The following TRDMT1 variants were observed in gnomAD, a reference collection of about 807,000 sequenced individuals.
The protein encoded by TRDMT1 is tRNA (cytosine(38)-C(5))-methyltransferase.
A neutral mutation model predicts 51.2 loss-of-function variants in TRDMT1; 49 were observed. That is an observed-to-expected ratio of 0.96 (90% CI 0.76 to 1.21). The LOEUF is 1.21. TRDMT1 is among the 50% of genes most tolerant of loss of function. The pLI, the probability that TRDMT1 is intolerant of heterozygous loss-of-function variation, is 0.00. For synonymous variants in TRDMT1, 187 were observed against 164.6 expected, an observed-to-expected ratio of 1.14 and a Z score of -1.04; for missense variants, 534 against 462.3, an observed-to-expected ratio of 1.16 and a Z score of -1.42.
intron 1 of TRDMT1, 177 bp downstream of exon 1, chr10:17,201,394 G>T: frequency 1.7e-6 from 1 of 572,580 alleles, no homozygotes; most frequent in Non-Finnish European, 2.9e-6. Flanking sequence ...GTCAGCGTCT[G>T]GAGGGGTGGA....
chr10:17,154,950 T>G (rs1024901012), intron 8 of TRDMT1, among the ~76,000 whole-genome samples: 2 of 152,196 alleles, frequency 1.3e-5, no homozygotes, highest in Non-Finnish European at 2.9e-5. Context: ...CCGGGCACAG[T>G]GGCTAATGTC....
chr10:17,160,707 A>T (rs1314059631), intron 5 of TRDMT1, among the ~76,000 whole-genome samples: 1 of 152,014 alleles, frequency 6.6e-6, no homozygotes. Flanking sequence ...TCCTGACCTC[A>T]TGATCCACCC....
intron 1 of TRDMT1, among the ~76,000 whole-genome samples, chr10:17,178,678 A>G (rs1182317636): frequency 2.4e-4 from 19 of 80,628 alleles, no homozygotes; most frequent in Non-Finnish European, 3.3e-4. Flanking sequence ...TCTGTCTCGG[A>G]AAAAAAAAAA....
In TRDMT1 at chr10:17,174,478, A is replaced by G. The variant is rs1175249519; in HGVS notation, c.174+73T>C. On this transcript the variant is annotated intron_variant, in intron 2 of 10. Coordinates refer to ENST00000377799, the MANE Select transcript of TRDMT1 (RefSeq NM_004412.7). ...TTATCTTCCAATTAAGACAACGGAAACCAGTATTAGGCAGTGTTTTTCAAT... is the reference window on the plus strand; with the variant it reads ...TTATCTTCCAATTAAGACAACGGAAGCCAGTATTAGGCAGTGTTTTTCAAT... The G allele has an allele frequency of 1.7e-5, 17 of 997,866 alleles. No homozygotes were observed. The African/African-American group carries it at 2.3e-4, about 13-fold the overall frequency. 61.8% of individuals were successfully genotyped at this position (997,866 alleles called of 1,614,324 possible).
intron 1 of TRDMT1, among the ~76,000 whole-genome samples, chr10:17,184,024 G>A (rs564810429): frequency 7.2e-5 from 11 of 152,284 alleles, no homozygotes; most frequent in African/African-American, 2.6e-4. Context: ...ACTACCTTAT[G>A]AAAGTCTTCT....
chr10:17,141,322 C>T lies in TRDMT1; in HGVS notation c.*7718G>A, dbSNP rs1478114435. The stretch of plus-strand genomic sequence containing the variant: ...GACTACAGGCATGCACCACCATGCC[C>T]GGCTAATTTTTTTGATTTTAGTAGA... On this transcript the variant is annotated 3_prime_UTR_variant, in exon 11 of 11. Transcript: ENST00000377799. 2.6e-5 allele frequency among the ~76,000 whole-genome samples: 4 copies of T among 152,076 alleles called. No homozygotes were observed. Among genetic ancestry groups the T allele is most frequent in the Non-Finnish European group, 5.9e-5 (4 of 68,016 alleles).
intron 1 of TRDMT1, among the ~76,000 whole-genome samples, chr10:17,183,341 G>A (rs1390834538): frequency 6.6e-6 from 1 of 152,038 alleles, no homozygotes; most frequent in Non-Finnish European, 1.5e-5. Flanking sequence ...GAGATTTGGA[G>A]GTAATTCTTC....
At chr10:17,151,808 G>C in intron 10 of TRDMT1, 9 of 856,938 alleles carry the variant, frequency 1.1e-5, no homozygotes, top group Non-Finnish European at 1.3e-5. Context: ...TATTAGATAA[G>C]AATTTCATAA....
intron 1 of TRDMT1, among the ~76,000 whole-genome samples, chr10:17,179,554 C>T (rs1588627051): frequency 6.6e-6 from 1 of 151,440 alleles, no homozygotes; most frequent in Non-Finnish European, 1.5e-5. Flanking sequence ...ATTATTTTAA[C>T]TAAAATTTAA....
Position 17,139,159 on chromosome 10 carries a change from T to C in TRDMT1, c.*9881A>G. 3 of 984,892 alleles carry C rather than the reference T, an allele frequency of 3.0e-6. No homozygotes were observed. The highest frequency in any genetic ancestry group is 2.4e-6 in the Non-Finnish European group (2 of 829,586). 61.0% of individuals were successfully genotyped at this position (984,892 alleles called of 1,614,324 possible). A position where few individuals can be genotyped will look rare whatever the true frequency, so the allele number is the denominator to read the frequency against. On this transcript the variant is annotated 3_prime_UTR_variant, in exon 11 of 11. Transcript: ENST00000377799. ...CAAGGTGTGAAGCAATGAAGCGGAG[T>C]TTACCATAGGTGAACCCTCCTGCCA... is the stretch of plus-strand genomic sequence containing the variant.
chr10:17,145,814 C>G lies in TRDMT1; in HGVS notation c.*3226G>C. ...GATGCAGCTGGCCTGCAGAATGCAT[C>G]CTTTAGTAGGTGCTTGATATTAGAT... On this transcript the variant is annotated 3_prime_UTR_variant, in exon 11 of 11. Transcript: ENST00000377799. The G allele has an allele frequency of 1.0e-6, 1 of 985,446 alleles. No individual in the cohort carries two copies. The highest frequency in any genetic ancestry group is 1.2e-6 in the Non-Finnish European group (1 of 829,926). The allele number at this position is 985,446 out of a possible 1,614,324, so 61.0% of individuals were successfully genotyped here. A position where few individuals can be genotyped will look rare whatever the true frequency, so the allele number is the denominator to read the frequency against.
At chr10:17,155,016 G>A (rs1839302620) in intron 8 of TRDMT1, among the ~76,000 whole-genome samples, 1 of 150,402 alleles carries the variant, frequency 6.6e-6, no homozygotes, top group African/African-American at 2.4e-5. Flanking sequence ...GGTCAGAGGA[G>A]TTCGAGGTCA....
chr10:17,177,698 C>T (rs1311389793), intron 1 of TRDMT1, among the ~76,000 whole-genome samples: 1 of 129,020 alleles, frequency 7.8e-6, no homozygotes, highest in East Asian at 2.1e-4. Context: ...ATGCTTCTTA[C>T]AAAAATAGAC....
At chr10:17,194,699 G>A (rs530126918) in intron 1 of TRDMT1, among the ~76,000 whole-genome samples, 6 of 152,232 alleles carry the variant, frequency 3.9e-5, no homozygotes, top group South Asian at 2.1e-4. Context: ...TTGGGAGAAC[G>A]AGGCAGGTGG....
intron 1 of TRDMT1, 127 bp downstream of exon 1, chr10:17,201,444 G>GCCGCCCCACAGTCT: frequency 1.2e-6 from 1 of 835,796 alleles, no homozygotes; most frequent in Non-Finnish European, 1.8e-6. Context: ...ACAACCGAGG[G>GCCGCCCCACAGTCT]CCGCCCCACA....
Position 17,197,990 on chromosome 10 carries a change from C to T in TRDMT1, c.64+3581G>A, listed in dbSNP as rs1458699454. On this transcript the variant is annotated intron_variant, in intron 1 of 10. Coordinates refer to ENST00000377799, the MANE Select transcript of TRDMT1 (RefSeq NM_004412.7). ...CGGAGGTTGCAGTGAACTGAGATCG[C>T]GCCACTGCACTCCAGCCTGGGCAAG... Among the ~76,000 whole-genome samples the T allele has an allele frequency of 4.0e-5, 6 of 151,488 alleles. No homozygotes were observed. In the Middle Eastern group the frequency reaches 0.01, roughly 258 times the overall value.
Position 17,144,906 on chromosome 10 carries a change from A to G in TRDMT1, c.*4134T>C, listed in dbSNP as rs899865315. 1 of 985,266 alleles carries G rather than the reference A, an allele frequency of 1.0e-6. No homozygotes were observed. Among genetic ancestry groups the G allele is most frequent in the African/African-American group, 1.7e-5 (1 of 57,224 alleles). 61.0% of individuals were successfully genotyped at this position (985,266 alleles called of 1,614,324 possible). A position where few individuals can be genotyped will look rare whatever the true frequency, so the allele number is the denominator to read the frequency against. On this transcript the variant is annotated 3_prime_UTR_variant, in exon 11 of 11. Coordinates refer to ENST00000377799, the MANE Select transcript of TRDMT1 (RefSeq NM_004412.7). ...GATGCACACAGGTTGACTCATGCAAACTGAAACTAAAGAACATGTGCAAGA... is the reference window on the plus strand; with the variant it reads ...GATGCACACAGGTTGACTCATGCAAGCTGAAACTAAAGAACATGTGCAAGA...
chr10:17,159,304 C>A, intron 6 of TRDMT1, 75 bp from the exon 7 acceptor site: 2 of 1,056,862 alleles, frequency 1.9e-6, no homozygotes, highest in Non-Finnish European at 2.7e-6. Context: ...CCAAGTTAAA[C>A]AGCAACAACA....
chr10:17,148,365 T>C lies in TRDMT1; in HGVS notation c.*675A>G, dbSNP rs1373807639. ...TTGATAATAGTCAACTAAAGGAAAG[T>C]ACATACAAAATGAAGAAGGAAAAAT... On this transcript the variant is annotated 3_prime_UTR_variant, in exon 11 of 11. Coordinates refer to ENST00000377799, the MANE Select transcript of TRDMT1 (RefSeq NM_004412.7). 2.0e-6 allele frequency: 2 copies of C among 985,280 alleles called. No homozygotes were observed. Among genetic ancestry groups the C allele is most frequent in the African/African-American group, 3.5e-5 (2 of 57,230 alleles). 61.0% of individuals were successfully genotyped at this position (985,280 alleles called of 1,614,324 possible). A position where few individuals can be genotyped will look rare whatever the true frequency, so the allele number is the denominator to read the frequency against.
Sources: gnomAD v4.1 joint callset for allele counts (sites outside exome capture counted in the v4.1 genomes callset) on GRCh38, gnomAD v4.1.1 for gene constraint, MANE v1.5 for transcripts, NCBI Gene and HGNC (gene_info 2026-07-23, HGNC 2026-07-21) for gene names.